GRIK1: variants seen among roughly 807,000 people sequenced by gnomAD.
GRIK1 encodes glutamate receptor ionotropic, kainate 1.
In GRIK1, 69 loss-of-function variants were observed where a neutral mutation model predicts 105.7. That is an observed-to-expected ratio of 0.65 (90% confidence interval 0.54 to 0.80). The LOEUF (loss-of-function observed/expected upper bound fraction) is 0.80. Among genes scored for constraint, GRIK1 ranks in the 30% least tolerant of loss-of-function variants. The probability of loss-of-function intolerance (pLI) is 0.00; values close to 1 mark genes in which losing one functional copy is unlikely to be tolerated. For missense variants in GRIK1, 1,109 were observed against 1,167.3 expected (o/e 0.95, Z 0.73); for synonymous variants, 438 against 431.3 (o/e 1.02, Z -0.19).
chr21:29,570,332 C>T lies in GRIK1; in HGVS notation c.2130+6632G>A, dbSNP rs541675832. Among the ~76,000 whole-genome samples, 29 of 152,076 alleles carry T rather than the reference C, an allele frequency of 1.9e-4. 1 individual carries two copies. The highest frequency in any genetic ancestry group is 6.5e-4 in the African/African-American group (27 of 41,498). Reference sequence around the variant, plus strand: ...CCTGTTCAACATGGTGAAACCCTGTCTCTACTAAAAATAAAAAAATATAGC... The same window carrying T: ...CCTGTTCAACATGGTGAAACCCTGTTTCTACTAAAAATAAAAAAATATAGC... On this transcript the variant is annotated intron_variant, in intron 14 of 17. Transcript: ENST00000327783.
chr21:29,617,568 G>A (rs2061882744), intron 7 of GRIK1, among the ~76,000 whole-genome samples: 2 of 151,202 alleles, frequency 1.3e-5, no homozygotes, highest in South Asian at 2.1e-4. Flanking sequence ...CCAGGTACCC[G>A]GGCCCAGTGC....
At chr21:29,602,466 C>CA (rs778266541) in intron 7 of GRIK1, among the ~76,000 whole-genome samples, 17 of 152,122 alleles carry the variant, frequency 1.1e-4, no homozygotes, top group Admixed American at 1.3e-4. Flanking sequence ...TTAGTAGGAA[C>CA]AAACACATTA....
intron 1 of GRIK1, among the ~76,000 whole-genome samples, chr21:29,772,864 T>C (rs1415701194): frequency 2.6e-5 from 4 of 152,254 alleles, no homozygotes; most frequent in Admixed American, 6.5e-5. Context: ...ATTTTAAGTT[T>C]TCATTGAACT....
At chr21:29,718,325 C>A (rs2064228963) in intron 1 of GRIK1, among the ~76,000 whole-genome samples, 1 of 152,116 alleles carries the variant, frequency 6.6e-6, no homozygotes, top group African/African-American at 2.4e-5. Flanking sequence ...GGAATTGAGT[C>A]AGTATGGTTA....
intron 1 of GRIK1, among the ~76,000 whole-genome samples, chr21:29,909,897 G>A (rs2070758089): frequency 6.6e-6 from 1 of 152,016 alleles, no homozygotes; most frequent in Non-Finnish European, 1.5e-5. Context: ...GAAGACTCAG[G>A]GATGAATAAT....
intron 1 of GRIK1, among the ~76,000 whole-genome samples, chr21:29,826,442 T>C (rs75388208): frequency 2.0e-5 from 3 of 152,134 alleles, no homozygotes; most frequent in Non-Finnish European, 4.4e-5. Flanking sequence ...GATTATTCTC[T>C]ATAAAGTGGA....
intron 1 of GRIK1, among the ~76,000 whole-genome samples, chr21:29,867,500 A>G (rs2068838814): frequency 6.6e-6 from 1 of 152,138 alleles, no homozygotes; most frequent in Non-Finnish European, 1.5e-5. Flanking sequence ...CGACTTCAGA[A>G]AAAGCTACGA....
At chr21:29,766,018 AT>A (rs1212164771) in intron 1 of GRIK1, among the ~76,000 whole-genome samples, 1 of 151,740 alleles carries the variant, frequency 6.6e-6, no homozygotes, top group African/African-American at 2.4e-5. Flanking sequence ...CGCCCGGCTA[AT>A]TTTTTGTATT....
chr21:29,900,815 C>G (rs2070375802), intron 1 of GRIK1, among the ~76,000 whole-genome samples: 1 of 152,166 alleles, frequency 6.6e-6, no homozygotes, highest in Non-Finnish European at 1.5e-5. Context: ...AACCCTCTAC[C>G]CCAAATCAGC....
chr21:29,596,271 G>C, intron 9 of GRIK1: 1 of 604,332 alleles, frequency 1.7e-6, no homozygotes, highest in Non-Finnish European at 3.1e-6. Context: ...TCCTGCCTGG[G>C]AGAAACAAAA....
At chr21:29,826,657 G>A (rs1416559516) in intron 1 of GRIK1, among the ~76,000 whole-genome samples, 4 of 152,078 alleles carry the variant, frequency 2.6e-5, no homozygotes, top group African/African-American at 4.8e-5. Context: ...ATGTGTGTGT[G>A]TGTGTGTGAA....
chr21:29,605,104 A>T (rs1398260434), intron 7 of GRIK1, among the ~76,000 whole-genome samples: 1 of 151,884 alleles, frequency 6.6e-6, no homozygotes, highest in African/African-American at 2.4e-5. Flanking sequence ...GCGGATATGC[A>T]GGTTTGTTAC....
In GRIK1 at chr21:29,550,107, C is replaced by CAAAAAAAAA. The variant is rs34939329; in HGVS notation, c.2607+4936_2607+4944dup. Among the ~76,000 whole-genome samples, 7 of 53,488 alleles carry CAAAAAAAAA rather than the reference C, an allele frequency of 1.3e-4. 1 individual carries two copies. The highest frequency in any genetic ancestry group is 3.4e-4 in the African/African-American group (4 of 11,750). 35.1% of individuals were successfully genotyped at this position (53,488 alleles called of 152,430 possible). A position where few individuals can be genotyped will look rare whatever the true frequency, so the allele number is the denominator to read the frequency against. ...TGGGCGACAGAGAAAGACTCCATCT[C>CAAAAAAAAA]AAAAAAAAAAAAAAAAAAAAAAAAA... On this transcript the variant is annotated intron_variant, in intron 16 of 17. Coordinates refer to ENST00000327783, the MANE Select transcript of GRIK1 (RefSeq NM_001330994.2).
chr21:29,917,437 A>C (rs2071035706), intron 1 of GRIK1, among the ~76,000 whole-genome samples: 1 of 152,012 alleles, frequency 6.6e-6, no homozygotes, highest in African/African-American at 2.4e-5. Flanking sequence ...TTTAAACATA[A>C]CAATTTATGC....
chr21:29,555,342 TGAA>T, intron 15 of GRIK1, 40 bp from the exon 16 acceptor site: 2 of 1,577,020 alleles, frequency 1.3e-6, no homozygotes, highest in Non-Finnish European at 1.7e-6. Flanking sequence ...ACCAAAATGT[TGAA>T]GAAGACATCC....
chr21:29,848,779 A>ATATATATATATATATATATATATTTT, intron 1 of GRIK1, among the ~76,000 whole-genome samples: 15 of 77,864 alleles, frequency 1.9e-4, no homozygotes, highest in African/African-American at 6.4e-4. Context: ...ATATATATAT[A>ATATATATATATATATATATATATTTT]TTTTTTTTTT....
At chr21:29,590,398 G>A (rs950495890) in intron 10 of GRIK1, among the ~76,000 whole-genome samples, 6 of 152,200 alleles carry the variant, frequency 3.9e-5, no homozygotes, top group African/African-American at 9.6e-5. Context: ...AGGAAAAAGC[G>A]GAAAATAAGC....
intron 1 of GRIK1, among the ~76,000 whole-genome samples, chr21:29,788,978 C>A (rs2066337860): frequency 6.6e-6 from 1 of 152,226 alleles, no homozygotes; most frequent in Admixed American, 6.5e-5. Flanking sequence ...GGCCCAGTTC[C>A]TAACAGGCCA....
intron 1 of GRIK1, among the ~76,000 whole-genome samples, chr21:29,703,131 T>G (rs1381633252): frequency 2.0e-5 from 3 of 152,228 alleles, no homozygotes; most frequent in Non-Finnish European, 4.4e-5. Context: ...TACAACACAT[T>G]GAGTTTTTAT....
Sources: allele counts gnomAD v4.1 joint callset (sites outside exome capture counted in the v4.1 genomes callset), GRCh38; gene constraint gnomAD v4.1.1; transcripts MANE v1.5; gene names NCBI Gene and HGNC (gene_info 2026-07-23, HGNC 2026-07-21).